The following BMPR2 variants were observed in gnomAD, a reference collection of about 807,000 sequenced individuals.
BMPR2 encodes the protein bone morphogenetic protein receptor type-2.
BMPR2 carries 29 observed loss-of-function variants against 100.8 expected under a neutral mutation model. That is an observed-to-expected ratio of 0.29 (90% CI 0.21 to 0.39). The LOEUF (loss-of-function observed/expected upper bound fraction) is 0.39, where lower values mean the gene tolerates loss of function less well. Among genes scored for constraint, BMPR2 ranks in the 10% least tolerant of loss-of-function variants. The pLI is 1.00. For synonymous variants in BMPR2, 382 were observed against 442.3 expected (o/e 0.86, Z 1.71); for missense variants, 1,011 against 1,274.5 (o/e 0.79, Z 3.15).
intron 1 of BMPR2, among the ~76,000 whole-genome samples, chr2:202,393,107 A>T (rs1267956946): frequency 2.6e-5 from 4 of 152,150 alleles, no homozygotes; most frequent in Admixed American, 6.5e-5. Context: ...AACAACTTTG[A>T]GTTAGAACCT....
At chr2:202,514,827 T>C in intron 4 of BMPR2, 61 bp from the exon 5 acceptor site, 1 of 1,306,946 alleles carries the variant, frequency 7.7e-7, no homozygotes, top group South Asian at 1.2e-5. Flanking sequence ...TTATAAAAAG[T>C]GTAAAAAGAT....
rs1331975681 is a variant in BMPR2, at chr2:202,376,571, G to C, written c.-904G>C. Reference sequence around the variant, plus strand: ...GCAGCAGCAGCGGCTTCCTCGGGGGGTTGTGATTCGCTCACAGGAGCCATT... The same window carrying C: ...GCAGCAGCAGCGGCTTCCTCGGGGGCTTGTGATTCGCTCACAGGAGCCATT... On this transcript the variant is annotated 5_prime_UTR_variant, in exon 1 of 13. Transcript: ENST00000374580. Among the ~76,000 whole-genome samples the C allele has an allele frequency of 7.3e-6, 1 of 137,814 alleles. No individual in the cohort carries two copies. The highest frequency in any genetic ancestry group is 1.6e-5 in the Non-Finnish European group (1 of 63,764). 90.4% of individuals were successfully genotyped at this position (137,814 alleles called of 152,430 possible).
At chr2:202,480,847 C>G (rs1016885648) in intron 3 of BMPR2, among the ~76,000 whole-genome samples, 3 of 149,520 alleles carry the variant, frequency 2.0e-5, no homozygotes, top group Non-Finnish European at 4.4e-5. Flanking sequence ...CCTAGCTACT[C>G]AGGAGGCTGA....
At chr2:202,505,988 G>A (rs1275616189) in intron 3 of BMPR2, among the ~76,000 whole-genome samples, 1 of 152,178 alleles carries the variant, frequency 6.6e-6, no homozygotes, top group Non-Finnish European at 1.5e-5. Flanking sequence ...AGTCAAAGTA[G>A]TGTGGACTGG....
intron 1 of BMPR2, among the ~76,000 whole-genome samples, chr2:202,397,872 G>A (rs1690684889): frequency 1.3e-5 from 2 of 151,450 alleles, no homozygotes; most frequent in South Asian, 4.2e-4. Context: ...TGTAATCCCA[G>A]CACTTTGGGA....
chr2:202,515,442 A>T (rs969158401), intron 5 of BMPR2, among the ~76,000 whole-genome samples: 1 of 151,710 alleles, frequency 6.6e-6, no homozygotes, highest in Non-Finnish European at 1.5e-5. Context: ...ATGGTGGTTC[A>T]TGCCTGTAAT....
At chr2:202,527,581 C>G (rs1191852732) in intron 7 of BMPR2, among the ~76,000 whole-genome samples, 1 of 147,258 alleles carries the variant, frequency 6.8e-6, no homozygotes, top group Non-Finnish European at 1.5e-5. Context: ...GTCAGGAGAT[C>G]GAGACCATCC....
chr2:202,547,804 C>T (rs934510798), intron 10 of BMPR2, among the ~76,000 whole-genome samples: 1 of 146,602 alleles, frequency 6.8e-6, no homozygotes, highest in Non-Finnish European at 1.5e-5. Context: ...AAAAAAAAGG[C>T]CAGGCACGGC....
chr2:202,421,032 T>C (rs60193492), intron 1 of BMPR2, among the ~76,000 whole-genome samples: 1 of 151,122 alleles, frequency 6.6e-6, no homozygotes, highest in East Asian at 2.0e-4. Flanking sequence ...GGTGGATCAC[T>C]TGAGGTCAGG....
intron 3 of BMPR2, among the ~76,000 whole-genome samples, chr2:202,492,191 A>T (rs1692915355): frequency 1.3e-5 from 2 of 152,128 alleles, no homozygotes; most frequent in Non-Finnish European, 2.9e-5. Context: ...CAGAGGAAGG[A>T]TGTTAGGAAC....
At chr2:202,456,358 T>C (rs1205189841) in intron 1 of BMPR2, among the ~76,000 whole-genome samples, 1 of 150,694 alleles carries the variant, frequency 6.6e-6, no homozygotes, top group African/African-American at 2.4e-5. Context: ...TTTTGTACTT[T>C]TAGTAGCGAT....
chr2:202,419,631 A>G (rs2105922801), intron 1 of BMPR2, among the ~76,000 whole-genome samples: 1 of 152,326 alleles, frequency 6.6e-6, no homozygotes, highest in East Asian at 1.9e-4. Context: ...CTGGGATTAC[A>G]GGCATGAGCC....
intron 3 of BMPR2, among the ~76,000 whole-genome samples, chr2:202,468,391 T>G (rs1017803949): frequency 1.4e-4 from 21 of 152,140 alleles, no homozygotes; most frequent in African/African-American, 4.8e-4. Context: ...GGTTGGAGAT[T>G]TGCTTGAGCC....
chr2:202,533,036 CATCT>C (rs1331506970), intron 9 of BMPR2, among the ~76,000 whole-genome samples: 1 of 152,092 alleles, frequency 6.6e-6, no homozygotes, highest in Non-Finnish European at 1.5e-5. Context: ...CCTTATGCAC[CATCT>C]GAGTGTTTGA....
chr2:202,492,678 C>T (rs1414211510), intron 3 of BMPR2, among the ~76,000 whole-genome samples: 16 of 115,504 alleles, frequency 1.4e-4, no homozygotes, highest in African/African-American at 5.1e-4. Context: ...CTAGCCTGGG[C>T]GACAATAGCG....
chr2:202,504,520 C>T (rs1478359406), intron 3 of BMPR2, among the ~76,000 whole-genome samples: 3 of 152,040 alleles, frequency 2.0e-5, no homozygotes, highest in Non-Finnish European at 2.9e-5. Flanking sequence ...GGAACAAACT[C>T]CAGACGCACC....
intron 1 of BMPR2, among the ~76,000 whole-genome samples, chr2:202,397,019 A>T (rs2105907612): frequency 6.6e-6 from 1 of 151,834 alleles, no homozygotes; most frequent in East Asian, 1.9e-4. Context: ...CTGGTCTCGA[A>T]CTCCCAGCCT....
chr2:202,389,852 C>T (rs1239494476), intron 1 of BMPR2, among the ~76,000 whole-genome samples: 1 of 151,940 alleles, frequency 6.6e-6, no homozygotes, highest in East Asian at 1.9e-4. Context: ...GTTGGTCAGG[C>T]TGGTCTCGAA....
At chr2:202,497,213 C>T (rs931650413) in intron 3 of BMPR2, among the ~76,000 whole-genome samples, 6 of 152,186 alleles carry the variant, frequency 3.9e-5, no homozygotes, top group East Asian at 1.9e-4. Flanking sequence ...GGCCCCTGTG[C>T]GGCCCGAGCC....
Sources: gnomAD v4.1 joint callset for allele counts (sites outside exome capture counted in the v4.1 genomes callset) on GRCh38, gnomAD v4.1.1 for gene constraint, MANE v1.5 for transcripts, NCBI Gene and HGNC (gene_info 2026-07-23, HGNC 2026-07-21) for gene names.